The following MID1 variants were observed in gnomAD, a reference collection of about 807,000 sequenced individuals.
The protein encoded by MID1 is midline 1.
A neutral mutation model predicts 40.4 loss-of-function variants in MID1; 7 were observed. The ratio of observed to expected loss-of-function variants is 0.17; its 90% CI spans 0.10 to 0.33. MID1 has a LOEUF of 0.33. MID1 is among the 10% of genes least tolerant of loss of function. The probability of loss-of-function intolerance (pLI) is 1.00; values close to 1 mark genes in which losing one functional copy is unlikely to be tolerated. For synonymous variants in MID1, 229 were observed against 221.2 expected, an observed-to-expected ratio of 1.04 and a Z score of -0.31; for missense variants, 367 against 558.5, an observed-to-expected ratio of 0.66 and a Z score of 3.46.
intron 1 of MID1, among the ~76,000 whole-genome samples, chrX:10,675,015 CTA>C (rs2043013205): frequency 2.0e-4 from 22 of 111,601 alleles, no homozygotes; most frequent in Admixed American, 1.9e-4. Context: ...ATTTTATAAC[CTA>C]TAGTTTAAAT....
intron 2 of MID1, among the ~76,000 whole-genome samples, chrX:10,550,255 G>A (rs191936384): frequency 1.4e-3 from 154 of 112,485 alleles, no homozygotes; most frequent in African/African-American, 4.7e-3. Flanking sequence ...TGACACAGAC[G>A]GCTACACCTG....
At chrX:10,577,626 CAT>C (rs1934907021) in intron 1 of MID1, among the ~76,000 whole-genome samples, 1 of 103,804 alleles carries the variant, frequency 9.6e-6, no homozygotes, top group South Asian at 4.0e-4. Flanking sequence ...TATGTACACA[CAT>C]ATATAAAAAC....
chrX:10,695,440 T>C (rs759980230), intron 1 of MID1, among the ~76,000 whole-genome samples: 1 of 111,977 alleles, frequency 8.9e-6, no homozygotes, highest in Non-Finnish European at 1.9e-5. Flanking sequence ...GATTGGCCTT[T>C]TGAGGTATCT....
chrX:10,588,102 C>T (rs1349588035), intron 1 of MID1, among the ~76,000 whole-genome samples: 2 of 112,041 alleles, frequency 1.8e-5, no homozygotes, highest in Non-Finnish European at 3.8e-5. Flanking sequence ...AATATGTTTA[C>T]ACACAGAATT....
intron 3 of MID1, among the ~76,000 whole-genome samples, chrX:10,510,830 C>CAAAAAAAAAAAAAAAAAAA (rs1185825614): frequency 2.1e-4 from 5 of 23,946 alleles, no homozygotes; most frequent in Non-Finnish European, 2.2e-4. Context: ...GACTCTGTCT[C>CAAAAAAAAAAAAAAAAAAA]AAAAAAAAAA....
intron 1 of MID1, among the ~76,000 whole-genome samples, chrX:10,598,124 T>C (rs940540998): frequency 6.3e-5 from 7 of 111,780 alleles, no homozygotes; most frequent in Non-Finnish European, 1.1e-4. Context: ...TTGCCCTAAA[T>C]TGATGGACCA....
chrX:10,619,129 G>A (rs193302096), intron 1 of MID1, among the ~76,000 whole-genome samples: 69 of 111,817 alleles, frequency 6.2e-4, no homozygotes, highest in African/African-American at 1.9e-3. Flanking sequence ...CAAGCGAGGG[G>A]GCAAGAAGGC....
At chrX:10,757,792 C>A (rs1219381196) in intron 1 of MID1, among the ~76,000 whole-genome samples, 1 of 111,113 alleles carries the variant, frequency 9.0e-6, no homozygotes, top group Non-Finnish European at 1.9e-5. Flanking sequence ...CTATTCTGAA[C>A]AACGTAGTTA....
chrX:10,810,265 T>C (rs2147151986), intron 1 of MID1, among the ~76,000 whole-genome samples: 1 of 112,434 alleles, frequency 8.9e-6, no homozygotes, highest in East Asian at 2.8e-4. Context: ...AATCGTACAG[T>C]ATTTGTCCTT....
chrX:10,791,981 C>T (rs1489199656), intron 1 of MID1, among the ~76,000 whole-genome samples: 3 of 111,360 alleles, frequency 2.7e-5, no homozygotes, highest in East Asian at 5.6e-4. Context: ...TGTCTGTGAG[C>T]GGCCCCAGCC....
At chrX:10,811,193 CTCAT>C (rs1222347185) in intron 1 of MID1, among the ~76,000 whole-genome samples, 1 of 112,051 alleles carries the variant, frequency 8.9e-6, no homozygotes, top group African/African-American at 3.2e-5. Flanking sequence ...TTTGTACTGA[CTCAT>C]TCAGACACCT....
intron 1 of MID1, among the ~76,000 whole-genome samples, chrX:10,781,435 A>T (rs1384992320): frequency 8.9e-6 from 1 of 112,005 alleles, no homozygotes; most frequent in African/African-American, 3.2e-5. Flanking sequence ...TTTAAATTTG[A>T]TAAATGTGTT....
chrX:10,578,119 C>A lies in MID1; in HGVS notation c.-56-10516G>T, dbSNP rs13328573. ...CTTCACAGTAAATCAAAGCATGCTT[C>A]ACATGTTAGGACATAAAAATGCAAA... On this transcript the variant is annotated intron_variant, in intron 1 of 9. Coordinates refer to ENST00000317552, the MANE Select transcript of MID1 (RefSeq NM_000381.4). Among the ~76,000 whole-genome samples the A allele has an allele frequency of 6.7e-3, 750 of 112,699 alleles. 8 individuals are homozygous for A. The highest frequency in any genetic ancestry group is 0.023 in the African/African-American group (706 of 31,025).
chrX:10,649,341 C>G (rs1232345144), intron 1 of MID1, among the ~76,000 whole-genome samples: 1 of 111,946 alleles, frequency 8.9e-6, no homozygotes, highest in Non-Finnish European at 1.9e-5. Flanking sequence ...ATCTTATCTT[C>G]TGCAGCTTTT....
chrX:10,613,102 T>G (rs1935761759), intron 1 of MID1, among the ~76,000 whole-genome samples: 2 of 111,517 alleles, frequency 1.8e-5, no homozygotes, highest in South Asian at 3.8e-4. Flanking sequence ...CAGCAGGGCA[T>G]TCAATGAATT....
intron 3 of MID1, among the ~76,000 whole-genome samples, chrX:10,507,248 T>A (rs1931889855): frequency 9.2e-6 from 1 of 109,141 alleles, no homozygotes; most frequent in Non-Finnish European, 1.9e-5. Flanking sequence ...GATGTTACCA[T>A]CTAACCTTCC....
At chrX:10,521,274 G>T (rs1932694798) in intron 3 of MID1, among the ~76,000 whole-genome samples, 1 of 110,782 alleles carries the variant, frequency 9.0e-6, no homozygotes, top group Admixed American at 9.6e-5. Flanking sequence ...CAGCATTGGG[G>T]ATTACAATTC....
rs542374215 is a variant in MID1 at position 10,530,619 on chromosome X, T to C, written c.661-7432A>G. On this transcript the variant is annotated intron_variant, in intron 2 of 9. Transcript: ENST00000317552. ...GAGCCACAGTCAACCTCCTTCATGT[T>C]AGGTAGTTTTTAGTAAGGCTTATTT... 1.3e-3 allele frequency among the ~76,000 whole-genome samples: 144 copies of C among 112,617 alleles called. No individual in the cohort carries two copies. In the Middle Eastern group the frequency reaches 0.014, roughly 11 times the overall value.
At chrX:10,730,564 CTTTTTTTTTT>C (rs1188069622) in intron 1 of MID1, among the ~76,000 whole-genome samples, 1 of 78,140 alleles carries the variant, frequency 1.3e-5, no homozygotes, top group African/African-American at 5.6e-5. Context: ...TCAGATACAT[CTTTTTTTTTT>C]TTTTTTTTTT....
Sources: allele counts gnomAD v4.1 joint callset (sites outside exome capture counted in the v4.1 genomes callset), GRCh38; gene constraint gnomAD v4.1.1; transcripts MANE v1.5; gene names NCBI Gene and HGNC (gene_info 2026-07-23, HGNC 2026-07-21).